The following COX7B2 variants were observed in gnomAD, a reference collection of about 807,000 sequenced individuals.
COX7B2 encodes the protein cytochrome c oxidase subunit 7B2, mitochondrial.
For missense variants in COX7B2, 109 were observed against 95.9 expected (o/e 1.14, Z -0.57); for synonymous variants, 37 against 32.1 (o/e 1.15, Z -0.51).
intron 1 of COX7B2, among the ~76,000 whole-genome samples, chr4:46,895,645 A>G (rs543781463): frequency 4.5e-4 from 68 of 152,280 alleles, no homozygotes; most frequent in African/African-American, 1.3e-3. Context: ...ACCTAAAATA[A>G]AAGTTTTTTT....
intron 2 of COX7B2, among the ~76,000 whole-genome samples, chr4:46,771,010 C>A (rs1270414594): frequency 6.6e-6 from 1 of 152,016 alleles, no homozygotes; most frequent in Non-Finnish European, 1.5e-5. Context: ...CAAAGCAAAT[C>A]AACTGTATAA....
intron 2 of COX7B2, among the ~76,000 whole-genome samples, chr4:46,812,608 A>C (rs1383281951): frequency 6.6e-6 from 1 of 152,148 alleles, no homozygotes; most frequent in Non-Finnish European, 1.5e-5. Context: ...GGGGACAGGG[A>C]GCAGTACAGT....
intron 2 of COX7B2, among the ~76,000 whole-genome samples, chr4:46,796,780 A>C (rs1273396538): frequency 3.4e-5 from 1 of 29,750 alleles, no homozygotes; most frequent in Non-Finnish European, 5.9e-5. Context: ...TGATGAGTTC[A>C]TATCCTTTGT....
chr4:46,839,537 T>C (rs1289422711), intron 2 of COX7B2, among the ~76,000 whole-genome samples: 1 of 152,052 alleles, frequency 6.6e-6, no homozygotes, highest in Non-Finnish European at 1.5e-5. Context: ...CACTGTGTTA[T>C]TGAAAAGGCA....
chr4:46,874,685 T>TTATC (rs915732870), intron 1 of COX7B2, among the ~76,000 whole-genome samples: 6 of 152,150 alleles, frequency 3.9e-5, no homozygotes, highest in Admixed American at 2.0e-4. Flanking sequence ...CACACAATAT[T>TTATC]TATCTATGTA....
chr4:46,830,255 T>C (rs1714977936), intron 2 of COX7B2, among the ~76,000 whole-genome samples: 1 of 141,272 alleles, frequency 7.1e-6, no homozygotes, highest in Non-Finnish European at 1.5e-5. Flanking sequence ...ACCCAGTATG[T>C]GGAGGTTGCA....
chr4:46,882,828 G>A (rs1011448715), intron 1 of COX7B2, among the ~76,000 whole-genome samples: 18 of 151,958 alleles, frequency 1.2e-4, no homozygotes, highest in South Asian at 4.2e-4. Flanking sequence ...TTTTTTTCAT[G>A]AGTCTTCTGA....
rs761904309 is a variant in COX7B2, at chr4:46,905,814, C to CTTTTTTTTTTTTTT, written c.-105+3332_-105+3345dup. On this transcript the variant is annotated intron_variant, in intron 1 of 2. Coordinates refer to ENST00000355591, the MANE Select transcript of COX7B2 (RefSeq NM_130902.3). ...TACCATCTCTGATAAGCATATATTT[C>CTTTTTTTTTTTTTT]TTTTTTTTTTTTTTTTTTTTTTTTT... 1.4e-4 allele frequency among the ~76,000 whole-genome samples: 10 copies of CTTTTTTTTTTTTTT among 71,686 alleles called. 2 individuals are homozygous for CTTTTTTTTTTTTTT. The highest frequency in any genetic ancestry group is 2.3e-4 in the Non-Finnish European group (9 of 39,990). 47.0% of individuals were successfully genotyped at this position (71,686 alleles called of 152,430 possible).
intron 2 of COX7B2, among the ~76,000 whole-genome samples, chr4:46,752,854 C>A (rs192813599): frequency 1.3e-5 from 2 of 152,144 alleles, no homozygotes; most frequent in African/African-American, 4.8e-5. Context: ...CATCGATGTT[C>A]ATCAGCGATA....
At chr4:46,846,945 T>C (rs536190642) in intron 1 of COX7B2, among the ~76,000 whole-genome samples, 1 of 152,056 alleles carries the variant, frequency 6.6e-6, no homozygotes, top group South Asian at 2.1e-4. Flanking sequence ...AAATAATTAT[T>C]CTGGGTTTAG....
At chr4:46,803,044 G>A (rs73815707) in intron 2 of COX7B2, among the ~76,000 whole-genome samples, 1,568 of 152,194 alleles carry the variant, frequency 0.01, 28 homozygotes, top group African/African-American at 0.036. Flanking sequence ...AACCTCCTTA[G>A]CAACCAGTAT....
intron 2 of COX7B2, among the ~76,000 whole-genome samples, chr4:46,824,773 C>T (rs1553889879): frequency 6.7e-6 from 1 of 150,282 alleles, no homozygotes; most frequent in Non-Finnish European, 1.5e-5. Flanking sequence ...GAACTAAAGA[C>T]AAAAAACACA....
intron 2 of COX7B2, among the ~76,000 whole-genome samples, chr4:46,769,955 C>T (rs1181016644): frequency 6.6e-6 from 1 of 152,134 alleles, no homozygotes; most frequent in Non-Finnish European, 1.5e-5. Context: ...TCAGGATGCC[C>T]ACTCTTGCCA....
At chr4:46,754,870 A>T (rs1348196636) in intron 2 of COX7B2, among the ~76,000 whole-genome samples, 1 of 151,078 alleles carries the variant, frequency 6.6e-6, no homozygotes, top group Non-Finnish European at 1.5e-5. Context: ...AAACATACAA[A>T]GAACTAATAC....
chr4:46,780,378 G>A (rs574344500), intron 2 of COX7B2, among the ~76,000 whole-genome samples: 42 of 152,216 alleles, frequency 2.8e-4, no homozygotes, highest in African/African-American at 6.5e-4. Flanking sequence ...TTAGCAGGGC[G>A]TGATGATGGG....
At chr4:46,799,943 T>C (rs1036311095) in intron 2 of COX7B2, among the ~76,000 whole-genome samples, 1 of 152,184 alleles carries the variant, frequency 6.6e-6, no homozygotes, top group African/African-American at 2.4e-5. Context: ...TCTTTATACA[T>C]CTGGTGGAAT....
At chr4:46,807,949 G>C (rs1299919682) in intron 2 of COX7B2, among the ~76,000 whole-genome samples, 1 of 151,836 alleles carries the variant, frequency 6.6e-6, no homozygotes, top group Non-Finnish European at 1.5e-5. Context: ...TTTTAAATCA[G>C]GAAATATGAT....
intron 2 of COX7B2, among the ~76,000 whole-genome samples, chr4:46,832,194 C>T (rs963391339): frequency 6.6e-6 from 1 of 152,140 alleles, no homozygotes; most frequent in African/African-American, 2.4e-5. Flanking sequence ...CTCTTTGGGT[C>T]CACACTGCCT....
In COX7B2 at chr4:46,779,657, A is replaced by G. The variant is rs565002749; in HGVS notation, c.-49-44416T>C. Among the ~76,000 whole-genome samples the G allele has an allele frequency of 1.2e-3, 187 of 152,118 alleles. 1 individual carries two copies. The highest frequency in any genetic ancestry group is 4.2e-3 in the African/African-American group (176 of 41,508). ...ACATTCCCACCAACAGTGCACAAGGACTTCCTTTTCTCCACACCCTCACCA... is the reference window on the plus strand; with the variant it reads ...ACATTCCCACCAACAGTGCACAAGGGCTTCCTTTTCTCCACACCCTCACCA... On this transcript the variant is annotated intron_variant, in intron 2 of 2. Coordinates refer to ENST00000355591, the MANE Select transcript of COX7B2 (RefSeq NM_130902.3).
Sources: allele counts gnomAD v4.1 joint callset (sites outside exome capture counted in the v4.1 genomes callset), GRCh38; gene constraint gnomAD v4.1.1; transcripts MANE v1.5; gene names NCBI Gene and HGNC (gene_info 2026-07-23, HGNC 2026-07-21).